SEC62: variants seen among roughly 807,000 people sequenced by gnomAD.
SEC62 encodes the protein translocation protein SEC62.
SEC62 carries 10 observed loss-of-function variants against 47.5 expected under a neutral mutation model. That is an observed-to-expected ratio of 0.21 (90% CI 0.13 to 0.36). The LOEUF (loss-of-function observed/expected upper bound fraction) is 0.36, where lower values mean the gene tolerates loss of function less well. Ranked by LOEUF, SEC62 falls within the 10% of genes least tolerant of loss-of-function variation. The pLI, the probability that SEC62 is intolerant of heterozygous loss-of-function variation, is 1.00. For missense variants in SEC62, 327 were observed against 464.1 expected (o/e 0.70, Z 2.71); for synonymous variants, 136 against 150.5 (o/e 0.90, Z 0.71).
Position 169,988,324 on chromosome 3 carries a change from G to C in SEC62, c.695G>C (p.Gly232Ala). The C allele has an allele frequency of 6.2e-7, 1 of 1,613,760 alleles. No individual in the cohort carries two copies. Among genetic ancestry groups the C allele is most frequent in the Non-Finnish European group, 8.5e-7 (1 of 1,179,800 alleles). The change falls in exon 7 of 8, where the codon GGC becomes GCC. Residue 232 changes from glycine to alanine, a missense_variant. By Grantham distance (60) the Gly-to-Ala change is moderately conservative. Coordinates refer to ENST00000337002, the MANE Select transcript of SEC62 (RefSeq NM_003262.4). Reference protein sequence around the residue: ...VGVYYLSVGAGCFVASILLLA... With the variant: ...VGVYYLSVGAACFVASILLLA... ...GTTTATTACCTCAGTGTGGGTGCAG[G>C]CTGTTTTGTAGCCAGTATTCTTCTC... is the stretch of plus-strand genomic sequence containing the variant.
Position 169,992,129 on chromosome 3 carries a change from G to A in SEC62, c.731-465G>A, listed in dbSNP as rs540045717. Among the ~76,000 whole-genome samples, 3 of 152,052 alleles carry A rather than the reference G, an allele frequency of 2.0e-5. No homozygotes were observed. The highest frequency in any genetic ancestry group is 2.9e-5 in the Non-Finnish European group (2 of 68,006). ...TTCTTTTCCTACACCATGATCTTATGAATACTTAAATTCCCAACTGATTGC... is the reference window on the plus strand; with the variant it reads ...TTCTTTTCCTACACCATGATCTTATAAATACTTAAATTCCCAACTGATTGC... On this transcript the variant is annotated intron_variant, in intron 7 of 7. Coordinates refer to ENST00000337002, the MANE Select transcript of SEC62 (RefSeq NM_003262.4). The surrounding 1 kb of genome is among the most constrained non-coding windows in gnomAD (Gnocchi z 4.0).
intron 1 of SEC62, among the ~76,000 whole-genome samples, chr3:169,971,419 A>G (rs76888298): frequency 1.3e-5 from 2 of 152,170 alleles, no homozygotes; most frequent in Non-Finnish European, 2.9e-5. Context: ...CTTCAACGCC[A>G]AAGCAATGGC....
chr3:169,968,600 A>G (rs1388785916), intron 1 of SEC62: 1 of 152,094 alleles, frequency 6.6e-6, no homozygotes, highest in East Asian at 1.9e-4. Context: ...AGGTGAGTCA[A>G]CTTATTTATT....
At chr3:169,977,702 C>A (rs1285512647) in intron 3 of SEC62, among the ~76,000 whole-genome samples, 1 of 151,960 alleles carries the variant, frequency 6.6e-6, no homozygotes, top group Non-Finnish European at 1.5e-5. Context: ...CTTTCCATTT[C>A]TTTTCTTTTT....
At chr3:169,982,178 T>C (rs1714990681) in intron 3 of SEC62, among the ~76,000 whole-genome samples, 1 of 152,196 alleles carries the variant, frequency 6.6e-6, no homozygotes, top group South Asian at 2.1e-4. Context: ...TTAGTATATT[T>C]AATCATTGCT....
intron 3 of SEC62, among the ~76,000 whole-genome samples, chr3:169,978,205 G>C (rs1007076210): frequency 1.2e-4 from 19 of 152,108 alleles, no homozygotes; most frequent in African/African-American, 4.6e-4. Flanking sequence ...CGTGAACCCG[G>C]GAGGCGGAGC....
intron 3 of SEC62, among the ~76,000 whole-genome samples, chr3:169,980,756 A>G (rs1411430037): frequency 1.3e-5 from 2 of 152,254 alleles, no homozygotes; most frequent in African/African-American, 2.4e-5. Context: ...TGCTTCGTAG[A>G]TAGCCAGCCA....
intron 6 of SEC62, among the ~76,000 whole-genome samples, chr3:169,987,297 T>C (rs1190656089): frequency 6.6e-6 from 1 of 152,090 alleles, no homozygotes; most frequent in African/African-American, 2.4e-5. Context: ...TTCACACCTG[T>C]AGTCCCAACT....
chr3:169,972,084 C>A (rs924702371), intron 1 of SEC62, among the ~76,000 whole-genome samples: 3 of 152,220 alleles, frequency 2.0e-5, no homozygotes, highest in African/African-American at 7.2e-5. Flanking sequence ...CAGTAGTCTT[C>A]CATCCATTTC....
At chr3:169,969,201 C>A in intron 1 of SEC62, 1 of 413,752 alleles carries the variant, frequency 2.4e-6, no homozygotes, top group Admixed American at 2.7e-5. Flanking sequence ...TTATACTTTG[C>A]ACATTGGGGA....
chr3:169,998,210 T>C lies in SEC62; in HGVS notation c.*5147T>C, dbSNP rs1715432459. ...TAATCAGATCCACCAATGTTTCAAA[T>C]AGGACTATAACTTATTCAAAGGCCA... is the stretch of plus-strand genomic sequence containing the variant. On this transcript the variant is annotated 3_prime_UTR_variant, in exon 8 of 8. Coordinates refer to ENST00000337002, the MANE Select transcript of SEC62 (RefSeq NM_003262.4). The C allele has an allele frequency of 6.6e-6, 1 of 152,220 alleles. No homozygotes were observed. Among genetic ancestry groups the C allele is most frequent in the African/African-American group, 2.4e-5 (1 of 41,448 alleles). 9.4% of individuals were successfully genotyped at this position (152,220 alleles called of 1,614,324 possible). A position where few individuals can be genotyped will look rare whatever the true frequency, so the allele number is the denominator to read the frequency against.
chr3:169,984,090 G>C (rs1288089145), intron 5 of SEC62, among the ~76,000 whole-genome samples: 1 of 152,142 alleles, frequency 6.6e-6, no homozygotes, highest in Non-Finnish European at 1.5e-5. Flanking sequence ...GTGAATTTCA[G>C]GATATATCCT....
chr3:169,988,526 T>A (rs758229972), intron 7 of SEC62, among the ~76,000 whole-genome samples, 167 bp downstream of exon 7: 44 of 152,180 alleles, frequency 2.9e-4, no homozygotes, highest in Non-Finnish European at 5.6e-4. Context: ...GTAAGATGTG[T>A]TCTGTCTGCA....
intron 1 of SEC62, 33 bp downstream of exon 1, chr3:169,966,891 G>A: frequency 1.3e-6 from 2 of 1,551,278 alleles, no homozygotes; most frequent in Non-Finnish European, 1.7e-6. Flanking sequence ...AGGGGGCTTC[G>A]GCGCGCTGGA....
At chr3:169,982,567 T>G in intron 3 of SEC62, 140 bp from the exon 4 acceptor site, 1 of 987,554 alleles carries the variant, frequency 1.0e-6, no homozygotes, top group Non-Finnish European at 1.6e-6. Flanking sequence ...TGACTACTTT[T>G]TCACGGGCAT....
intron 6 of SEC62, 70 bp downstream of exon 6, chr3:169,985,935 A>G (rs1715095461): frequency 9.7e-7 from 1 of 1,029,824 alleles, no homozygotes; most frequent in Non-Finnish European, 1.5e-6. Flanking sequence ...AGATACTGTA[A>G]AAGAAAATGT....
Position 169,982,778 on chromosome 3 carries a change from A to G in SEC62, c.323A>G (p.Lys108Arg). 1 of 1,604,904 alleles carries G rather than the reference A, an allele frequency of 6.2e-7. No individual in the cohort carries two copies. Among genetic ancestry groups the G allele is most frequent in the East Asian group, 2.2e-5 (1 of 44,684 alleles). Residue 108 changes from lysine to arginine, a missense_variant, in exon 4 of 8, where the codon AAA (lysine) becomes AGA (arginine). Transcript: ENST00000337002. ...ATGAAATATGATAAAGACATAAAGA[A>G]AGAAAAAGATAAAGGAAAAGCTGAA... ...MKMKYDKDIK[K>R]EKDKGKAESG...
chr3:169,991,710 T>C (rs1403411424), intron 7 of SEC62, among the ~76,000 whole-genome samples: 1 of 152,066 alleles, frequency 6.6e-6, no homozygotes, highest in African/African-American at 2.4e-5. Flanking sequence ...CCTCAATAAA[T>C]AAATAAGAAA....
intron 1 of SEC62, among the ~76,000 whole-genome samples, chr3:169,972,595 T>TG (rs1257619636): frequency 6.7e-6 from 1 of 149,978 alleles, no homozygotes; most frequent in East Asian, 1.9e-4. Context: ...TTTTTTTTTT[T>TG]TTTTTATGTA....
Sources: allele counts gnomAD v4.1 joint callset (sites outside exome capture counted in the v4.1 genomes callset), GRCh38; gene constraint gnomAD v4.1.1; non-coding constraint Gnocchi (gnomAD v3.1); transcripts MANE v1.5; gene names NCBI Gene and HGNC (gene_info 2026-07-23, HGNC 2026-07-21).